The following C3orf20 variants were observed in gnomAD, a reference collection of about 807,000 sequenced individuals.
C3orf20 encodes the protein uncharacterized protein C3orf20.
In C3orf20, 76 loss-of-function variants were observed where a neutral mutation model predicts 88.3. That is an observed-to-expected ratio of 0.86 (90% CI 0.72 to 1.04). The LOEUF (loss-of-function observed/expected upper bound fraction) is 1.04, where lower values mean the gene tolerates loss of function less well. Ranked by LOEUF, C3orf20 falls within the 50% of genes least tolerant of loss-of-function variation. The pLI is 0.00. For missense variants in C3orf20, 1,056 were observed against 1,123.3 expected (o/e 0.94, Z 0.86); for synonymous variants, 436 against 437.4 (o/e 1.00, Z 0.04).
intron 1 of C3orf20, among the ~76,000 whole-genome samples, chr3:14,676,358 A>T (rs566843491): frequency 1.3e-5 from 2 of 152,254 alleles, no homozygotes; most frequent in South Asian, 4.1e-4. Flanking sequence ...CTTTTCCTTA[A>T]AAAGAAAAGG....
chr3:14,753,457 T>C (rs1405064115), intron 12 of C3orf20, among the ~76,000 whole-genome samples: 2 of 152,196 alleles, frequency 1.3e-5, no homozygotes, highest in African/African-American at 4.8e-5. Context: ...TTGCACATTG[T>C]GCACATGTAC....
intron 9 of C3orf20, among the ~76,000 whole-genome samples, chr3:14,719,969 T>C (rs2034088212): frequency 1.3e-5 from 2 of 152,184 alleles, no homozygotes; most frequent in African/African-American, 4.8e-5. Flanking sequence ...TACATCTCTC[T>C]AGAAGGAGGA....
chr3:14,748,526 G>GC (rs1340913379), intron 12 of C3orf20, among the ~76,000 whole-genome samples: 2 of 151,912 alleles, frequency 1.3e-5, no homozygotes, highest in Non-Finnish European at 2.9e-5. Context: ...TTCTTCTTCT[G>GC]CTTTAAGGTT....
At chr3:14,688,260 C>T (rs974940631) in intron 4 of C3orf20, among the ~76,000 whole-genome samples, 2 of 151,948 alleles carry the variant, frequency 1.3e-5, no homozygotes, top group Admixed American at 6.6e-5. Flanking sequence ...CCGAGTGTGG[C>T]GGCTCATGAC....
At position 14,703,111 on chromosome 3, in the gene C3orf20, T is replaced by G; in HGVS notation, c.746-19T>G. 6.2e-7 allele frequency: 1 copy of G among 1,614,006 alleles called. No homozygotes were observed. The highest frequency in any genetic ancestry group is 1.1e-5 in the South Asian group (1 of 91,070). ...CATGGTCTTGGGCATCTCTCTAACT[T>G]CTTGCCCTCCAACTACAGGCAAATC... On this transcript the variant is annotated intron_variant, in intron 5 of 16. Coordinates refer to ENST00000253697, the MANE Select transcript of C3orf20 (RefSeq NM_032137.5).
intron 11 of C3orf20, among the ~76,000 whole-genome samples, 200 bp downstream of exon 11, chr3:14,727,224 A>G (rs1214440405): frequency 6.6e-6 from 1 of 152,100 alleles, no homozygotes; most frequent in Non-Finnish European, 1.5e-5. Context: ...CCACACAGCT[A>G]AGAATAGTGA....
At position 14,768,092 on chromosome 3, in the gene C3orf20, G is replaced by A. The variant is rs1023597667; in HGVS notation, c.2496-3975G>A. Among the ~76,000 whole-genome samples the A allele has an allele frequency of 6.6e-6, 1 of 152,178 alleles. No homozygotes were observed. Among genetic ancestry groups the A allele is most frequent in the African/African-American group, 2.4e-5 (1 of 41,438 alleles). On this transcript the variant is annotated intron_variant, in intron 15 of 16. Transcript: ENST00000253697. This position sits in a 1 kb window ranked among gnomAD's most constrained non-coding sequence, Gnocchi z 4.1. Reference sequence around the variant, plus strand: ...GGGAGGGGAAGCTCTTTACAGCTGCGCCACTTGGTAGCACCCCTGCCCCTT... The same window carrying A: ...GGGAGGGGAAGCTCTTTACAGCTGCACCACTTGGTAGCACCCCTGCCCCTT...
At chr3:14,696,122 T>TC (rs2032986376) in intron 5 of C3orf20, among the ~76,000 whole-genome samples, 1 of 150,702 alleles carries the variant, frequency 6.6e-6, no homozygotes, top group African/African-American at 2.4e-5. Context: ...ATTTCTTGTT[T>TC]TTTTTTTTTA....
intron 12 of C3orf20, among the ~76,000 whole-genome samples, chr3:14,730,008 A>G (rs1559426623): frequency 6.6e-6 from 1 of 152,260 alleles, no homozygotes; most frequent in Non-Finnish European, 1.5e-5. Flanking sequence ...GTCAAGAAAT[A>G]GAGCATTACC....
intron 4 of C3orf20, among the ~76,000 whole-genome samples, chr3:14,687,550 A>C (rs1287073298): frequency 6.6e-6 from 1 of 152,146 alleles, no homozygotes; most frequent in Non-Finnish European, 1.5e-5. Context: ...TTTGGGGCTT[A>C]AAGATCTCCC....
chr3:14,685,206 A>G (rs1486969825), intron 4 of C3orf20, among the ~76,000 whole-genome samples: 2 of 152,220 alleles, frequency 1.3e-5, no homozygotes, highest in African/African-American at 4.8e-5. Context: ...CAATGATAGT[A>G]TTAAGGAAAA....
Position 14,707,248 on chromosome 3 carries a change from C to CAAAAA in C3orf20, c.1160+2645_1160+2649dup, listed in dbSNP as rs10662478. 1.3e-3 allele frequency among the ~76,000 whole-genome samples: 123 copies of CAAAAA among 93,122 alleles called. 1 individual carries two copies. Among genetic ancestry groups the CAAAAA allele is most frequent in the African/African-American group, 2.0e-3 (44 of 22,052 alleles). 61.1% of individuals were successfully genotyped at this position (93,122 alleles called of 152,430 possible). On this transcript the variant is annotated intron_variant, in intron 7 of 16. Coordinates refer to ENST00000253697, the MANE Select transcript of C3orf20 (RefSeq NM_032137.5). Reference sequence around the variant, plus strand: ...TGGGCAACAGAGCAAGACTCCGTCTCAAAAAAAAAAAAAAAAAAAGATACG... The same window carrying CAAAAA: ...TGGGCAACAGAGCAAGACTCCGTCTCAAAAAAAAAAAAAAAAAAAAAAAAGATACG...
chr3:14,682,472 A>C (rs2032144462), intron 2 of C3orf20, 106 bp from the exon 3 acceptor site: 1 of 541,630 alleles, frequency 1.8e-6, no homozygotes, highest in South Asian at 2.5e-5. Flanking sequence ...TGACTCACTA[A>C]CATTGGTCTC....
At chr3:14,761,957 T>C (rs1370968257) in intron 15 of C3orf20, among the ~76,000 whole-genome samples, 1 of 151,914 alleles carries the variant, frequency 6.6e-6, no homozygotes, top group Non-Finnish European at 1.5e-5. Context: ...TCCCTGTTTC[T>C]GTTGGAATAT....
intron 1 of C3orf20, among the ~76,000 whole-genome samples, chr3:14,679,284 A>G (rs11128715): frequency 0.82 from 124,273 of 152,198 alleles, 51,772 homozygotes; most frequent in Non-Finnish European, 0.91. Flanking sequence ...GTCAAGATCC[A>G]TGTCTCAGTG....
rs375369417 is a variant in C3orf20, at chr3:14,683,023, C to T, written c.310C>T (p.Arg104Cys). 5.6e-6 allele frequency: 9 copies of T among 1,612,744 alleles called. No individual in the cohort carries two copies. The highest frequency in any genetic ancestry group is 5.9e-6 in the Non-Finnish European group (7 of 1,179,410). Residue 104 changes from arginine (R) to cysteine (C), a missense_variant, in exon 3 of 17, where the codon CGT becomes TGT. Transcript: ENST00000253697. ...PLPPPPPAPP[R>C]PVLLATTGAA... ...ACCTCCACCACCACCAGCACCACCA[C>T]GTCCAGTGCTGCTGGCAACCACTGG...
At chr3:14,747,349 T>C (rs191944871) in intron 12 of C3orf20, among the ~76,000 whole-genome samples, 5 of 152,312 alleles carry the variant, frequency 3.3e-5, no homozygotes, top group Admixed American at 3.3e-4. Flanking sequence ...GTTATAGTGG[T>C]TATGGCACCA....
Position 14,682,659 on chromosome 3 carries a change from C to T in C3orf20, c.-55C>T. Reference sequence around the variant, plus strand: ...TCCAAGCCTTCACCGTAGGGAAGAACTTTTGCTCTCAGTCACCTCTCAGAG... The same window carrying T: ...TCCAAGCCTTCACCGTAGGGAAGAATTTTTGCTCTCAGTCACCTCTCAGAG... On this transcript the variant is annotated 5_prime_UTR_variant, in exon 3 of 17. Coordinates refer to ENST00000253697, the MANE Select transcript of C3orf20 (RefSeq NM_032137.5). The T allele has an allele frequency of 6.5e-7, 1 of 1,546,876 alleles. No individual in the cohort carries two copies. The highest frequency in any genetic ancestry group is 8.7e-7 in the Non-Finnish European group (1 of 1,148,982).
At chr3:14,737,290 C>T (rs895441056) in intron 12 of C3orf20, among the ~76,000 whole-genome samples, 1 of 151,748 alleles carries the variant, frequency 6.6e-6, no homozygotes, top group Non-Finnish European at 1.5e-5. Flanking sequence ...CTTTCTCTTT[C>T]TTTTCTCTCT....
Sources: gnomAD v4.1 joint callset for allele counts (sites outside exome capture counted in the v4.1 genomes callset) on GRCh38, gnomAD v4.1.1 for gene constraint, Gnocchi (gnomAD v3.1) non-coding constraint, MANE v1.5 for transcripts, NCBI Gene and HGNC (gene_info 2026-07-23, HGNC 2026-07-21) for gene names.